The following ARMH3 variants were observed in gnomAD, a reference collection of about 807,000 sequenced individuals.
ARMH3 encodes the protein armadillo-like helical domain-containing protein 3.
ARMH3 carries 60 observed loss-of-function variants against 99.1 expected under a neutral mutation model. The observed-to-expected ratio is 0.61, with a 90% CI of 0.49 to 0.75. The LOEUF (loss-of-function observed/expected upper bound fraction) is 0.75. Ranked by LOEUF, ARMH3 falls within the 30% of genes least tolerant of loss-of-function variation. The pLI is 0.00. For missense variants in ARMH3, 679 were observed against 843.1 expected (o/e 0.81, Z 2.41); for synonymous variants, 285 against 292.8 (o/e 0.97, Z 0.27).
chr10:101,852,719 A>G (rs2066632678), intron 24 of ARMH3, among the ~76,000 whole-genome samples: 1 of 151,846 alleles, frequency 6.6e-6, no homozygotes, highest in Non-Finnish European at 1.5e-5. Flanking sequence ...ACGCCACTGC[A>G]CTACTGCCTG....
chr10:101,878,735 G>A (rs1327442124), intron 24 of ARMH3, among the ~76,000 whole-genome samples: 1 of 152,034 alleles, frequency 6.6e-6, no homozygotes, highest in Non-Finnish European at 1.5e-5. Context: ...GCTGAGGCAG[G>A]AGGATCACTT....
At chr10:101,936,047 T>C (rs529787793) in intron 23 of ARMH3, among the ~76,000 whole-genome samples, 1 of 152,292 alleles carries the variant, frequency 6.6e-6, no homozygotes, top group Non-Finnish European at 1.5e-5. Flanking sequence ...GAGTACGTAC[T>C]TCCAAGTCAT....
chr10:102,006,741 T>C (rs1180737247), intron 13 of ARMH3, 108 bp from the exon 14 acceptor site: 2 of 987,702 alleles, frequency 2.0e-6, no homozygotes, highest in African/African-American at 3.3e-5. Context: ...TAATTTTTTT[T>C]TTTTGAGACA....
intron 20 of ARMH3, among the ~76,000 whole-genome samples, chr10:101,972,053 T>C (rs1295108481): frequency 6.6e-6 from 1 of 152,206 alleles, no homozygotes; most frequent in Non-Finnish European, 1.5e-5. Context: ...ACATGCATCA[T>C]AGAAACAGAC....
chr10:101,957,503 A>G, intron 21 of ARMH3, 147 bp downstream of exon 21: 1 of 777,602 alleles, frequency 1.3e-6, no homozygotes. Flanking sequence ...AGTGGGGACC[A>G]CCAGTCCAGA....
At chr10:102,036,959 G>A (rs1376961567) in intron 2 of ARMH3, among the ~76,000 whole-genome samples, 4 of 151,674 alleles carry the variant, frequency 2.6e-5, no homozygotes, top group African/African-American at 9.7e-5. Context: ...GGCTGAGGCA[G>A]GAGAATTGCT....
At chr10:102,008,710 G>A (rs1041957369) in intron 13 of ARMH3, among the ~76,000 whole-genome samples, 6 of 151,688 alleles carry the variant, frequency 4.0e-5, no homozygotes, top group East Asian at 1.9e-4. Context: ...CCGCCACCAC[G>A]CCCAGCTATT....
At chr10:101,985,111 AC>A (rs1262867866) in intron 19 of ARMH3, among the ~76,000 whole-genome samples, 2 of 145,856 alleles carry the variant, frequency 1.4e-5, no homozygotes, top group African/African-American at 2.6e-5. Context: ...ACACACACAC[AC>A]GTGTACATAT....
chr10:102,006,722 T>C (rs1564842265), intron 13 of ARMH3, 89 bp from the exon 14 acceptor site: 2 of 1,242,742 alleles, frequency 1.6e-6, no homozygotes, highest in Admixed American at 4.4e-5. Context: ...ACTGGTATTC[T>C]GGACCTTATA....
chr10:101,990,229 G>C (rs1846725001), intron 19 of ARMH3, among the ~76,000 whole-genome samples: 1 of 149,080 alleles, frequency 6.7e-6, no homozygotes. Context: ...TGTCGCCCAG[G>C]CTGGAGTGCA....
In ARMH3 at chr10:101,959,410, C is replaced by A. The variant is rs77405415; in HGVS notation, c.1496-1678G>T. On this transcript the variant is annotated intron_variant, in intron 20 of 25. Transcript: ENST00000370033. ...ATCGGACTCTATAAAATCATAGAGG[C>A]GAGAGAAAGGGATGGGCAGCACGCT... Among the ~76,000 whole-genome samples, 4 of 152,224 alleles carry A rather than the reference C, an allele frequency of 2.6e-5. No homozygotes were observed. The South Asian group carries it at 8.3e-4, about 32-fold the overall frequency.
intron 24 of ARMH3, among the ~76,000 whole-genome samples, chr10:101,882,151 G>C (rs193096596): frequency 6.6e-6 from 1 of 152,324 alleles, no homozygotes; most frequent in East Asian, 1.9e-4. Flanking sequence ...GTTGAAGAAT[G>C]CAAGAATGGG....
intron 8 of ARMH3, among the ~76,000 whole-genome samples, chr10:102,022,655 A>T (rs1292562130): frequency 2.0e-5 from 3 of 148,874 alleles, no homozygotes; most frequent in Non-Finnish European, 4.5e-5. Context: ...ATCTGGGCTC[A>T]CTACAAACTC....
At chr10:101,943,578 C>T (rs1022759962) in intron 22 of ARMH3, among the ~76,000 whole-genome samples, 3 of 152,112 alleles carry the variant, frequency 2.0e-5, no homozygotes, top group African/African-American at 7.2e-5. Flanking sequence ...AGAACAAAAT[C>T]CAGCATCCAC....
chr10:102,055,467 C>T (rs2067822117), intron 1 of ARMH3, among the ~76,000 whole-genome samples: 1 of 152,108 alleles, frequency 6.6e-6, no homozygotes, highest in African/African-American at 2.4e-5. Flanking sequence ...CTCCAGGGGA[C>T]CAGGTTTCTC....
intron 19 of ARMH3, among the ~76,000 whole-genome samples, chr10:101,978,749 G>A (rs1354474786): frequency 2.6e-5 from 4 of 152,158 alleles, no homozygotes; most frequent in African/African-American, 9.7e-5. Context: ...AGACCAGCCT[G>A]GCCAACATGG....
At chr10:102,046,111 A>G (rs2067543532) in intron 1 of ARMH3, among the ~76,000 whole-genome samples, 1 of 151,950 alleles carries the variant, frequency 6.6e-6, no homozygotes, top group Non-Finnish European at 1.5e-5. Context: ...AAATAAAAAT[A>G]AAATAACAAC....
intron 15 of ARMH3, among the ~76,000 whole-genome samples, chr10:101,999,194 T>A (rs907824260): frequency 6.6e-5 from 10 of 151,742 alleles, no homozygotes; most frequent in African/African-American, 2.4e-4. Context: ...GGAAAAAAAA[T>A]CCTTTTTTTT....
intron 2 of ARMH3, among the ~76,000 whole-genome samples, chr10:102,037,640 A>G (rs1040928302): frequency 6.6e-5 from 10 of 152,036 alleles, no homozygotes; most frequent in Non-Finnish European, 1.0e-4. Flanking sequence ...TGGTGCAATT[A>G]TAGCTAGCTG....
Sources: allele counts gnomAD v4.1 joint callset (sites outside exome capture counted in the v4.1 genomes callset), GRCh38; gene constraint gnomAD v4.1.1; transcripts MANE v1.5; gene names NCBI Gene and HGNC (gene_info 2026-07-23, HGNC 2026-07-21).